EIF2AK3: variants seen among roughly 807,000 people sequenced by gnomAD.
The protein encoded by EIF2AK3 is eukaryotic translation initiation factor 2-alpha kinase 3.
EIF2AK3 carries 50 observed loss-of-function variants against 113.5 expected under a neutral mutation model. The observed-to-expected ratio is 0.44, with a 90% CI of 0.35 to 0.56. The LOEUF is 0.56. Among genes scored for constraint, EIF2AK3 ranks in the 20% least tolerant of loss-of-function variants. The pLI, the probability that EIF2AK3 is intolerant of heterozygous loss-of-function variation, is 0.00. For missense variants in EIF2AK3, 1,185 were observed against 1,378.0 expected, an observed-to-expected ratio of 0.86 and a Z score of 2.22; for synonymous variants, 448 against 495.4, an observed-to-expected ratio of 0.90 and a Z score of 1.27.
intron 1 of EIF2AK3, 51 bp from the exon 2 acceptor site, chr2:88,613,904 G>A: frequency 1.3e-6 from 2 of 1,532,040 alleles, no homozygotes; most frequent in Non-Finnish European, 8.9e-7. Flanking sequence ...AAGATATTGG[G>A]CACTTATCCC....
rs1674401072 is a variant in EIF2AK3, at chr2:88,574,529, C to T, written c.2817+137G>A. On this transcript the variant is annotated intron_variant, in intron 13 of 16. Transcript: ENST00000303236. ...ATTCTTGCAGCAGGCCCCTTCGAGG[C>T]TACTTTCTCAGACCTCTGCTCTCAG... is the stretch of plus-strand genomic sequence containing the variant. 5 of 1,088,154 alleles carry T rather than the reference C, an allele frequency of 4.6e-6. No individual in the cohort carries two copies. In the East Asian group the frequency reaches 7.8e-5, roughly 17 times the overall value. The allele number at this position is 1,088,154 out of a possible 1,614,324, so 67.4% of individuals were successfully genotyped here. A position where few individuals can be genotyped will look rare whatever the true frequency, so the allele number is the denominator to read the frequency against.
At chr2:88,560,129 T>A (rs1023042514) in intron 15 of EIF2AK3, among the ~76,000 whole-genome samples, 3 of 152,164 alleles carry the variant, frequency 2.0e-5, no homozygotes, top group Non-Finnish European at 2.9e-5. Context: ...CCTTTTTTTT[T>A]AATTTTTTTA....
chr2:88,559,510 CTGTGTGTGTGTGTG>C (rs141821640), intron 15 of EIF2AK3, among the ~76,000 whole-genome samples: 7 of 141,330 alleles, frequency 5.0e-5, no homozygotes, highest in Non-Finnish European at 7.7e-5. Flanking sequence ...ACCAAGATGA[CTGTGTGTGTGTGTG>C]TGTGTGTGTG....
intron 1 of EIF2AK3, chr2:88,624,789 C>T (rs1675818485): frequency 6.6e-6 from 1 of 152,178 alleles, no homozygotes; most frequent in Non-Finnish European, 1.5e-5. Context: ...CAACTTCTGG[C>T]CACGCAGTCT....
intron 14 of EIF2AK3, 70 bp from the exon 15 acceptor site, chr2:88,562,460 G>A: frequency 1.6e-6 from 2 of 1,265,184 alleles, no homozygotes; most frequent in Non-Finnish European, 2.3e-6. Flanking sequence ...CAGCATTATT[G>A]AATCCCAAAG....
At chr2:88,608,073 T>C (rs139182815) in intron 2 of EIF2AK3, among the ~76,000 whole-genome samples, 7 of 152,362 alleles carry the variant, frequency 4.6e-5, no homozygotes, top group African/African-American at 1.4e-4. Flanking sequence ...TGTGTGGCTT[T>C]AGTATTCCAG....
At chr2:88,567,078 AT>A (rs1239905485) in intron 14 of EIF2AK3, among the ~76,000 whole-genome samples, 1 of 152,214 alleles carries the variant, frequency 6.6e-6, no homozygotes, top group African/African-American at 2.4e-5. Flanking sequence ...GGCATTTACA[AT>A]ATCCATGATA....
chr2:88,606,308 T>TA (rs893047190), intron 2 of EIF2AK3, among the ~76,000 whole-genome samples: 9 of 150,380 alleles, frequency 6.0e-5, no homozygotes, highest in African/African-American at 2.2e-4. Context: ...CCTAAAAAAA[T>TA]AAAATAAAAA....
chr2:88,579,471 G>A (rs1674543861), intron 11 of EIF2AK3, 47 bp downstream of exon 11: 1 of 1,609,502 alleles, frequency 6.2e-7, no homozygotes, highest in Non-Finnish European at 8.5e-7. Flanking sequence ...CATGAGATTA[G>A]ATCACACTGT....
chr2:88,625,590 G>A (rs934336244), intron 1 of EIF2AK3, among the ~76,000 whole-genome samples: 10 of 152,172 alleles, frequency 6.6e-5, no homozygotes, highest in Admixed American at 2.0e-4. Flanking sequence ...CGTTTCATCC[G>A]TACTGTTAGA....
chr2:88,570,107 G>C (rs1305536054), intron 14 of EIF2AK3, among the ~76,000 whole-genome samples: 10 of 151,530 alleles, frequency 6.6e-5, no homozygotes, highest in Admixed American at 6.6e-5. Context: ...AGATGTGATA[G>C]GTTTCATTGT....
chr2:88,592,532 G>A (rs1674913873), intron 4 of EIF2AK3, among the ~76,000 whole-genome samples: 1 of 152,168 alleles, frequency 6.6e-6, no homozygotes, highest in Non-Finnish European at 1.5e-5. Flanking sequence ...GGGAGTCTGA[G>A]GTGGGTGGAT....
At chr2:88,606,381 C>G (rs1364868324) in intron 2 of EIF2AK3, among the ~76,000 whole-genome samples, 2 of 151,976 alleles carry the variant, frequency 1.3e-5, no homozygotes, top group Admixed American at 6.5e-5. Flanking sequence ...GATAAATTAG[C>G]TTAGTTCACA....
chr2:88,558,443 T>C (rs1248201081), intron 16 of EIF2AK3, among the ~76,000 whole-genome samples: 1 of 152,226 alleles, frequency 6.6e-6, no homozygotes, highest in African/African-American at 2.4e-5. Flanking sequence ...GAACGTAACA[T>C]GTACTCTTAT....
rs978903977 is a variant in EIF2AK3, at chr2:88,605,672, T to C, written c.438+8052A>G. Among the ~76,000 whole-genome samples the C allele has an allele frequency of 5.9e-5, 9 of 152,090 alleles. 1 individual carries two copies. The East Asian group carries it at 1.5e-3, about 26-fold the overall frequency. On this transcript the variant is annotated intron_variant, in intron 2 of 16. Transcript: ENST00000303236. Reference sequence around the variant, plus strand: ...TCTGTATATTTTAATTCTTCAAAAATGATACACTTGAATGGAACATAAACA... The same window carrying C: ...TCTGTATATTTTAATTCTTCAAAAACGATACACTTGAATGGAACATAAACA...
Position 88,613,851 on chromosome 2 carries a change from G to T in EIF2AK3, c.311C>A (p.Ser104Ter). The T allele has an allele frequency of 6.2e-7, 1 of 1,611,212 alleles. No individual in the cohort carries two copies. Among genetic ancestry groups the T allele is most frequent in the South Asian group, 1.1e-5 (1 of 90,992 alleles). Residue 104 changes from serine (S) to a stop codon, truncating the protein, a stop_gained and splice_region_variant, in exon 2 of 17, where the codon TCA (serine) becomes TAA (stop). Transcript: ENST00000303236. LOFTEE classifies it high-confidence loss of function. ...DETELRPRGR[S>*]LVIISTLDGR... is the part of the protein sequence containing the mutation. ...ATCTAAAGTGCTGATAATTACTAAT[G>T]ACCTGTAAATATTAAAAATATTTTT...
At chr2:88,615,074 T>G (rs1263119988) in intron 1 of EIF2AK3, among the ~76,000 whole-genome samples, 3 of 152,260 alleles carry the variant, frequency 2.0e-5, no homozygotes, top group Non-Finnish European at 4.4e-5. Context: ...TCTTGGTGAC[T>G]GTGCTTCCTA....
intron 2 of EIF2AK3, among the ~76,000 whole-genome samples, chr2:88,611,383 T>C (rs1480207045): frequency 3.9e-5 from 6 of 152,312 alleles, no homozygotes; most frequent in Non-Finnish European, 7.4e-5. Context: ...AACAACGTTA[T>C]ATCATCAGTA....
intron 2 of EIF2AK3, among the ~76,000 whole-genome samples, chr2:88,599,182 C>G (rs1356164360): frequency 1.3e-5 from 2 of 152,052 alleles, no homozygotes; most frequent in Non-Finnish European, 2.9e-5. Flanking sequence ...TACCATAATT[C>G]TAGACATTTA....
Sources: gnomAD v4.1 joint callset for allele counts (sites outside exome capture counted in the v4.1 genomes callset) on GRCh38, gnomAD v4.1.1 for gene constraint, MANE v1.5 for transcripts, NCBI Gene and HGNC (gene_info 2026-07-23, HGNC 2026-07-21) for gene names.